COL11A1: variants seen among roughly 807,000 people sequenced by gnomAD.
COL11A1 encodes the protein collagen alpha-1(XI) chain.
A neutral mutation model predicts 265.2 loss-of-function variants in COL11A1; 74 were observed. The ratio of observed to expected loss-of-function variants is 0.28; its 90% CI spans 0.23 to 0.34. COL11A1 has a LOEUF of 0.34. Ranked by LOEUF, COL11A1 falls within the 10% of genes least tolerant of loss-of-function variation. The probability of loss-of-function intolerance (pLI) is 1.00; values close to 1 mark genes in which losing one functional copy is unlikely to be tolerated. For synonymous variants in COL11A1, 816 were observed against 727.6 expected, an observed-to-expected ratio of 1.12 and a Z score of -1.96; for missense variants, 2,165 against 2,263.6, an observed-to-expected ratio of 0.96 and a Z score of 0.88.
At chr1:102,994,636 A>C (rs1664451931) in intron 28 of COL11A1, among the ~76,000 whole-genome samples, 1 of 152,136 alleles carries the variant, frequency 6.6e-6, no homozygotes, top group African/African-American at 2.4e-5. Flanking sequence ...TGTTCTTATG[A>C]GTATGATATT....
intron 5 of COL11A1, among the ~76,000 whole-genome samples, chr1:103,027,406 TA>T (rs1667618013): frequency 9.3e-5 from 1 of 10,774 alleles, no homozygotes; most frequent in South Asian, 5.4e-3. Context: ...AATATATATA[TA>T]TATATATATA....
chr1:103,014,776 G>C (rs1666424807), intron 12 of COL11A1, among the ~76,000 whole-genome samples, 182 bp from the exon 13 acceptor site: 1 of 151,934 alleles, frequency 6.6e-6, no homozygotes, highest in East Asian at 1.9e-4. Context: ...ATTTCTTCTG[G>C]AAGTTCTTTA....
intron 31 of COL11A1, among the ~76,000 whole-genome samples, chr1:102,981,351 G>A (rs976192682): frequency 4.6e-5 from 7 of 151,822 alleles, no homozygotes; most frequent in Non-Finnish European, 1.0e-4. Context: ...ACTATTACAG[G>A]AATTGGACAA....
At chr1:103,007,540 G>T (rs1430966485) in intron 15 of COL11A1, among the ~76,000 whole-genome samples, 1 of 151,992 alleles carries the variant, frequency 6.6e-6, no homozygotes, top group Non-Finnish European at 1.5e-5. Flanking sequence ...ACTGTGAAAT[G>T]TTCATTCTAG....
At chr1:102,885,590 T>C (rs976090055) in intron 63 of COL11A1, among the ~76,000 whole-genome samples, 5 of 152,058 alleles carry the variant, frequency 3.3e-5, no homozygotes, top group Admixed American at 6.6e-5. Flanking sequence ...ACCATTAATA[T>C]AATCATGTCT....
chr1:102,934,356 A>C (rs1057215354), intron 46 of COL11A1, 93 bp downstream of exon 46: 6 of 917,592 alleles, frequency 6.5e-6, no homozygotes, highest in Non-Finnish European at 1.1e-5. Context: ...TTACGTAGAA[A>C]AAAAGAAAAA....
intron 24 of COL11A1, among the ~76,000 whole-genome samples, chr1:102,999,149 G>T (rs1051337495): frequency 1.3e-5 from 2 of 151,908 alleles, no homozygotes; most frequent in Non-Finnish European, 2.9e-5. Flanking sequence ...CAATGAGAAG[G>T]TCAAGGACAT....
chr1:102,974,280 T>C (rs1041842050), intron 36 of COL11A1, among the ~76,000 whole-genome samples: 2 of 152,194 alleles, frequency 1.3e-5, no homozygotes, highest in Non-Finnish European at 2.9e-5. Context: ...ATGAAGATGC[T>C]TGATGAACAT....
At chr1:102,967,687 A>G (rs1661580599) in intron 37 of COL11A1, among the ~76,000 whole-genome samples, 1 of 152,086 alleles carries the variant, frequency 6.6e-6, no homozygotes, top group Admixed American at 6.5e-5. Context: ...GCCACACACC[A>G]TATATTTGTA....
In COL11A1 at chr1:103,017,886, T is replaced by C. The variant is rs748736206; in HGVS notation, c.1351-4A>G. 5 of 1,610,374 alleles carry C rather than the reference T, an allele frequency of 3.1e-6. No individual in the cohort carries two copies. Among genetic ancestry groups the C allele is most frequent in the South Asian group, 2.2e-5 (2 of 90,990 alleles). Reference sequence around the variant, plus strand: ...GACCTGGAGGACCCATAATACCCTATAGAGAAACACACCATATCTTAATCA... The same window carrying C: ...GACCTGGAGGACCCATAATACCCTACAGAGAAACACACCATATCTTAATCA... On this transcript the variant is annotated splice_polypyrimidine_tract_variant and splice_region_variant and intron_variant, in intron 10 of 66. Transcript: ENST00000370096.
chr1:103,043,645 A>G (rs1669014511), intron 4 of COL11A1, among the ~76,000 whole-genome samples: 2 of 152,106 alleles, frequency 1.3e-5, no homozygotes, highest in African/African-American at 4.8e-5. Flanking sequence ...TTCTAAACAC[A>G]ACTAATATAG....
At chr1:103,082,728 T>C (rs574319900) in intron 2 of COL11A1, 77 bp downstream of exon 2, 1 of 1,253,870 alleles carries the variant, frequency 8.0e-7, no homozygotes, top group South Asian at 1.3e-5. Context: ...AAAGAAATAC[T>C]AAAAGTAGTT....
chr1:103,076,771 G>T (rs1459092718), intron 3 of COL11A1, among the ~76,000 whole-genome samples: 2 of 152,016 alleles, frequency 1.3e-5, no homozygotes, highest in East Asian at 1.9e-4. Context: ...TCAGCACTTC[G>T]CATATTTAAG....
At chr1:102,940,153 T>C (rs896094703) in intron 43 of COL11A1, among the ~76,000 whole-genome samples, 174 bp downstream of exon 43, 3 of 152,234 alleles carry the variant, frequency 2.0e-5, no homozygotes, top group Admixed American at 6.5e-5. Context: ...ATGGAACAGA[T>C]ACTAATTCTG....
chr1:102,899,039 G>A (rs1001094168), intron 54 of COL11A1, 45 bp from the exon 55 acceptor site: 3 of 1,163,590 alleles, frequency 2.6e-6, no homozygotes, highest in Admixed American at 4.3e-5. Context: ...ACATATAAAA[G>A]TAATGTTAAT....
chr1:102,903,365 G>A (rs901053691), intron 54 of COL11A1, among the ~76,000 whole-genome samples: 9 of 151,850 alleles, frequency 5.9e-5, no homozygotes, highest in Admixed American at 1.3e-4. Context: ...TCATTCATGC[G>A]TAAGATTCAA....
chr1:103,084,128 T>G (rs1005109452), intron 1 of COL11A1, among the ~76,000 whole-genome samples: 1 of 152,200 alleles, frequency 6.6e-6, no homozygotes, highest in South Asian at 2.1e-4. Context: ...TTAGATTTTT[T>G]AAGTGTACAA....
chr1:102,888,925 G>T lies in COL11A1; in HGVS notation c.4465-6C>A. On this transcript the variant is annotated splice_polypyrimidine_tract_variant and splice_region_variant and intron_variant, in intron 59 of 66. Coordinates refer to ENST00000370096, the MANE Select transcript of COL11A1 (RefSeq NM_001854.4). ...CCAGCAGGACCAGGAATTCCCTAGA[G>T]AGAGAATCAGCCAATTTAAAGGGAT... 6.2e-7 allele frequency: 1 copy of T among 1,610,892 alleles called. No homozygotes were observed. The highest frequency in any genetic ancestry group is 1.1e-5 in the South Asian group (1 of 91,040).
intron 64 of COL11A1, 88 bp from the exon 65 acceptor site, chr1:102,881,853 A>G (rs1650284641): frequency 1.1e-6 from 1 of 952,172 alleles, no homozygotes. Context: ...CATTTTCAGT[A>G]AGACTAAGAA....
Sources: gnomAD v4.1 joint callset for allele counts (sites outside exome capture counted in the v4.1 genomes callset) on GRCh38, gnomAD v4.1.1 for gene constraint, MANE v1.5 for transcripts, NCBI Gene and HGNC (gene_info 2026-07-23, HGNC 2026-07-21) for gene names.